SHLD1: variants seen among roughly 807,000 people sequenced by gnomAD.
SHLD1 encodes RINN1-REV7-interacting novel NHEJ regulator 3.
In SHLD1, 3 loss-of-function variants were observed where a neutral mutation model predicts 5.5. That is an observed-to-expected ratio of 0.54 (90% CI 0.25 to 1.40). The LOEUF (loss-of-function observed/expected upper bound fraction) is 1.40, where lower values mean the gene tolerates loss of function less well. Ranked by LOEUF, SHLD1 falls within the 40% of genes most tolerant of loss-of-function variation. The pLI, the probability that SHLD1 is intolerant of heterozygous loss-of-function variation, is 0.15. For synonymous variants in SHLD1, 92 were observed against 94.3 expected (o/e 0.98, Z 0.14); for missense variants, 210 against 244.4 (o/e 0.86, Z 0.94).
At chr20:5,763,247 G>T (rs1378869434) in intron 1 of SHLD1, among the ~76,000 whole-genome samples, 1 of 130,168 alleles carries the variant, frequency 7.7e-6, no homozygotes, top group Non-Finnish European at 1.5e-5. Flanking sequence ...CGGAGGTTGC[G>T]CCATTGCACT....
chr20:5,784,519 C>G (rs754843718), intron 2 of SHLD1, among the ~76,000 whole-genome samples: 3 of 151,924 alleles, frequency 2.0e-5, no homozygotes, highest in East Asian at 1.9e-4. Flanking sequence ...GGCGCGATCT[C>G]GGCTCACTGC....
chr20:5,863,157 A>T lies in SHLD1; in HGVS notation c.312A>T (p.Glu104Asp). The change falls in exon 3 of 3, where the codon GAA becomes GAT. Residue 104 changes from glutamate to aspartate, a missense_variant. Coordinates refer to ENST00000303142, the MANE Select transcript of SHLD1 (RefSeq NM_152504.4). ...GLRKSLDRFY[E>D]MFGHPQPGSA... ...GGAAATCCCTGGATAGATTCTATGA[A>T]ATGTTTGGTCATCCACAGCCAGGCT... The T allele has an allele frequency of 6.2e-7, 1 of 1,614,150 alleles. No homozygotes were observed. The highest frequency in any genetic ancestry group is 8.5e-7 in the Non-Finnish European group (1 of 1,180,016).
intron 2 of SHLD1, among the ~76,000 whole-genome samples, chr20:5,778,680 A>G (rs1441382617): frequency 6.6e-6 from 1 of 151,962 alleles, no homozygotes; most frequent in Non-Finnish European, 1.5e-5. Context: ...TCTTTCAGCC[A>G]TGACAGGAGC....
intron 2 of SHLD1, among the ~76,000 whole-genome samples, chr20:5,827,348 G>A (rs1393227466): frequency 6.6e-6 from 1 of 152,182 alleles, no homozygotes; most frequent in Non-Finnish European, 1.5e-5. Context: ...CCAACCCGAA[G>A]CTGGAGGGCA....
intron 2 of SHLD1, among the ~76,000 whole-genome samples, chr20:5,841,301 A>G (rs2087857025): frequency 6.6e-6 from 1 of 152,188 alleles, no homozygotes; most frequent in African/African-American, 2.4e-5. Context: ...GTGAATTTTT[A>G]TATATGTGGG....
intron 2 of SHLD1, among the ~76,000 whole-genome samples, chr20:5,819,754 C>G (rs542383656): frequency 2.6e-4 from 40 of 152,246 alleles, no homozygotes; most frequent in South Asian, 8.3e-4. Flanking sequence ...CCCAGGAAGC[C>G]AGGGCTGCAG....
intron 2 of SHLD1, among the ~76,000 whole-genome samples, chr20:5,801,071 C>CTTTTTTTTTTTTTTTTTTT (rs67798135): frequency 4.1e-5 from 5 of 121,942 alleles, no homozygotes; most frequent in Non-Finnish European, 5.4e-5. Context: ...CAGCCACCAT[C>CTTTTTTTTTTTTTTTTTTT]TTTTTTTTTT....
chr20:5,839,557 C>A (rs1374377177), intron 2 of SHLD1, among the ~76,000 whole-genome samples: 1 of 151,686 alleles, frequency 6.6e-6, no homozygotes, highest in East Asian at 1.9e-4. Context: ...GAAAAGCAGA[C>A]CAAAGTATAC....
Position 5,851,223 on chromosome 20 carries a change from T to C in SHLD1, c.179-11801T>C, listed in dbSNP as rs1469328868. On this transcript the variant is annotated intron_variant, in intron 2 of 2. Coordinates refer to ENST00000303142, the MANE Select transcript of SHLD1 (RefSeq NM_152504.4). The stretch of plus-strand genomic sequence containing the variant: ...ATGTCTATCCAGGAATGGTGGCTCA[T>C]ATTTGTAATCTCAGCTACTTGGGAG... 2.0e-5 allele frequency among the ~76,000 whole-genome samples: 3 copies of C among 152,288 alleles called. No homozygotes were observed. In the South Asian group the frequency reaches 6.2e-4, roughly 32 times the overall value.
At chr20:5,798,919 C>T (rs1028131990) in intron 2 of SHLD1, among the ~76,000 whole-genome samples, 9 of 152,176 alleles carry the variant, frequency 5.9e-5, no homozygotes, top group African/African-American at 2.2e-4. Context: ...TGTGGGGGCT[C>T]ATGCCTGTAA....
chr20:5,790,584 C>T (rs1380441262), intron 2 of SHLD1, among the ~76,000 whole-genome samples: 2 of 151,184 alleles, frequency 1.3e-5, no homozygotes, highest in African/African-American at 2.4e-5. Flanking sequence ...TCCTGAGAAG[C>T]TGGGATTACA....
chr20:5,775,143 ATCC>A (rs1985365558), intron 2 of SHLD1, among the ~76,000 whole-genome samples: 2 of 151,974 alleles, frequency 1.3e-5, no homozygotes, highest in South Asian at 4.1e-4. Context: ...AGCTGAAGCT[ATCC>A]TCCTGCCTCA....
At chr20:5,819,071 A>C (rs997589780) in intron 2 of SHLD1, among the ~76,000 whole-genome samples, 10 of 152,136 alleles carry the variant, frequency 6.6e-5, no homozygotes, top group African/African-American at 2.4e-4. Context: ...CATGTTGGCC[A>C]GGCTGGTCTT....
At chr20:5,849,187 G>A (rs1353874471) in intron 2 of SHLD1, among the ~76,000 whole-genome samples, 3 of 152,218 alleles carry the variant, frequency 2.0e-5, no homozygotes, top group Admixed American at 1.3e-4. Flanking sequence ...AAGATAGGAT[G>A]TAAGGTGCCC....
intron 1 of SHLD1, among the ~76,000 whole-genome samples, chr20:5,769,644 G>A (rs892752363): frequency 6.6e-6 from 1 of 152,140 alleles, no homozygotes; most frequent in East Asian, 1.9e-4. Context: ...TGTGAATGTG[G>A]TCTCTCTCTC....
chr20:5,837,831 A>G (rs2087808481), intron 2 of SHLD1, among the ~76,000 whole-genome samples: 1 of 152,192 alleles, frequency 6.6e-6, no homozygotes, highest in African/African-American at 2.4e-5. Flanking sequence ...TAGGCTACGC[A>G]ATTTGTCTGC....
At chr20:5,782,146 C>T (rs2086997078) in intron 2 of SHLD1, among the ~76,000 whole-genome samples, 1 of 152,184 alleles carries the variant, frequency 6.6e-6, no homozygotes, top group African/African-American at 2.4e-5. Flanking sequence ...GTCCCAGGTA[C>T]AGACTTGCTG....
At chr20:5,862,652 A>G (rs35212898) in intron 2 of SHLD1, among the ~76,000 whole-genome samples, 19,560 of 152,262 alleles carry the variant, frequency 0.13, 1,727 homozygotes, top group East Asian at 0.45. Flanking sequence ...AGGTACTGCT[A>G]TTAATACTGT....
At chr20:5,782,456 CGTT>C (rs1006271443) in intron 2 of SHLD1, among the ~76,000 whole-genome samples, 4 of 152,140 alleles carry the variant, frequency 2.6e-5, no homozygotes, top group Non-Finnish European at 5.9e-5. Context: ...TCTCTGAAGT[CGTT>C]GTTAGACATT....
Sources: allele counts gnomAD v4.1 joint callset (sites outside exome capture counted in the v4.1 genomes callset), GRCh38; gene constraint gnomAD v4.1.1; transcripts MANE v1.5; gene names NCBI Gene and HGNC (gene_info 2026-07-23, HGNC 2026-07-21).